The following OLFM3 variants were observed in gnomAD, a reference collection of about 807,000 sequenced individuals.
The protein encoded by OLFM3 is noelin-3.
Under a neutral mutation model 48.6 loss-of-function variants are expected in OLFM3, and 20 were observed. That is an observed-to-expected ratio of 0.41 (90% CI 0.29 to 0.60). The LOEUF is 0.60. Ranked by LOEUF, OLFM3 falls within the 20% of genes least tolerant of loss-of-function variation. The probability of loss-of-function intolerance (pLI) is 0.28; values close to 1 mark genes in which losing one functional copy is unlikely to be tolerated. For missense variants in OLFM3, 437 were observed against 544.3 expected (o/e 0.80, Z 1.96); for synonymous variants, 222 against 198.1 (o/e 1.12, Z -1.01).
intron 2 of OLFM3, among the ~76,000 whole-genome samples, chr1:101,833,932 A>T (rs897805995): frequency 3.3e-5 from 5 of 151,986 alleles, no homozygotes; most frequent in African/African-American, 1.2e-4. Flanking sequence ...GTGTCCTATT[A>T]AAAAAAATCA....
chr1:101,847,132 A>C, intron 1 of OLFM3: 2 of 887,944 alleles, frequency 2.3e-6, no homozygotes, highest in Non-Finnish European at 2.7e-6. Context: ...TCCTTCCCCC[A>C]TCCTCGTGGG....
chr1:101,879,146 G>A (rs1410395284), intron 1 of OLFM3, among the ~76,000 whole-genome samples: 1 of 151,742 alleles, frequency 6.6e-6, no homozygotes, highest in African/African-American at 2.4e-5. Context: ...AGTGGATTGT[G>A]GCATCATCCT....
chr1:101,916,557 C>G (rs543951150), intron 1 of OLFM3, among the ~76,000 whole-genome samples: 1 of 152,150 alleles, frequency 6.6e-6, no homozygotes, highest in African/African-American at 2.4e-5. Flanking sequence ...ATTAAATTTC[C>G]TGCCTTACTA....
At chr1:101,827,511 G>A (rs1268956654) in intron 3 of OLFM3, among the ~76,000 whole-genome samples, 5 of 152,058 alleles carry the variant, frequency 3.3e-5, no homozygotes, top group African/African-American at 7.2e-5. Context: ...AGTAGAGACA[G>A]GGTAGGAAGA....
chr1:101,891,060 T>C (rs1657975321), intron 1 of OLFM3, among the ~76,000 whole-genome samples: 1 of 152,004 alleles, frequency 6.6e-6, no homozygotes, highest in Admixed American at 6.6e-5. Flanking sequence ...TTATTAGTAA[T>C]ACATTAGTTT....
chr1:101,885,154 C>T (rs1657696964), intron 1 of OLFM3, among the ~76,000 whole-genome samples: 1 of 151,830 alleles, frequency 6.6e-6, no homozygotes, highest in African/African-American at 2.4e-5. Context: ...GCCAAGAAAA[C>T]TATGAAAGAG....
At chr1:101,986,114 C>T (rs961478538) in intron 1 of OLFM3, among the ~76,000 whole-genome samples, 25 of 151,892 alleles carry the variant, frequency 1.6e-4, no homozygotes, top group Admixed American at 1.2e-3. Flanking sequence ...TACAGGCGCC[C>T]GCCACCACGC....
At chr1:101,882,661 C>A (rs1178447325) in intron 1 of OLFM3, 1 of 151,722 alleles carries the variant, frequency 6.6e-6, no homozygotes, top group Non-Finnish European at 1.5e-5. Flanking sequence ...AGTTTGACAT[C>A]TGCTTCATTT....
chr1:101,956,939 G>A (rs557528180), intron 1 of OLFM3, among the ~76,000 whole-genome samples: 32 of 151,622 alleles, frequency 2.1e-4, no homozygotes, highest in African/African-American at 6.8e-4. Context: ...ATCAGATCAC[G>A]AACTCCTCCA....
At chr1:101,927,015 T>G (rs1363059549) in intron 1 of OLFM3, among the ~76,000 whole-genome samples, 2 of 152,284 alleles carry the variant, frequency 1.3e-5, no homozygotes, top group Admixed American at 1.3e-4. Context: ...GCAGCGCTTC[T>G]AGAACTGAAA....
At chr1:101,901,604 A>G (rs541962749) in intron 1 of OLFM3, among the ~76,000 whole-genome samples, 23 of 152,196 alleles carry the variant, frequency 1.5e-4, no homozygotes, top group African/African-American at 5.5e-4. Flanking sequence ...CTAGGAGGCT[A>G]TCGAAAAAGT....
At chr1:101,840,514 A>G (rs1557697767) in intron 1 of OLFM3, among the ~76,000 whole-genome samples, 2 of 149,634 alleles carry the variant, frequency 1.3e-5, no homozygotes. Context: ...TCTGTTGTCC[A>G]AGCTGAAGTG....
chr1:101,889,516 G>C (rs914887886), intron 1 of OLFM3, among the ~76,000 whole-genome samples: 2 of 152,060 alleles, frequency 1.3e-5, no homozygotes, highest in East Asian at 3.9e-4. Flanking sequence ...GTGGGTCAAG[G>C]GGGGAGGGAT....
chr1:101,835,065 A>G (rs1448978006), intron 2 of OLFM3, among the ~76,000 whole-genome samples: 1 of 152,226 alleles, frequency 6.6e-6, no homozygotes, highest in African/African-American at 2.4e-5. Flanking sequence ...GTACTGAAAA[A>G]TAGCAACACA....
intron 1 of OLFM3, among the ~76,000 whole-genome samples, chr1:101,919,196 T>A (rs1659017827): frequency 6.6e-6 from 1 of 152,136 alleles, no homozygotes; most frequent in Non-Finnish European, 1.5e-5. Flanking sequence ...AAAAAAATAA[T>A]TATTAAATTA....
chr1:101,882,581 T>C (rs1657577906), intron 1 of OLFM3: 1 of 151,778 alleles, frequency 6.6e-6, no homozygotes, highest in African/African-American at 2.4e-5. Flanking sequence ...AGAACTGCTT[T>C]TTCTACCGGG....
chr1:101,902,280 T>G (rs1658412764), intron 1 of OLFM3, among the ~76,000 whole-genome samples: 1 of 152,046 alleles, frequency 6.6e-6, no homozygotes, highest in Admixed American at 6.6e-5. Flanking sequence ...ATAGAATAAG[T>G]CCACACTGAA....
intron 1 of OLFM3, among the ~76,000 whole-genome samples, chr1:101,984,487 C>T (rs763304121): frequency 1.1e-4 from 17 of 152,128 alleles, no homozygotes; most frequent in Non-Finnish European, 2.1e-4. Flanking sequence ...ACCTCCGCAT[C>T]CCAGGGTTCT....
intron 1 of OLFM3, among the ~76,000 whole-genome samples, chr1:101,896,488 C>CTTTTTTTTT (rs35260761): frequency 3.9e-5 from 3 of 76,688 alleles, no homozygotes; most frequent in Non-Finnish European, 7.0e-5. Flanking sequence ...TGCTTACACA[C>CTTTTTTTTT]TTTTTTTTTT....
Sources: gnomAD v4.1 joint callset for allele counts (sites outside exome capture counted in the v4.1 genomes callset) on GRCh38, gnomAD v4.1.1 for gene constraint, MANE v1.5 for transcripts, NCBI Gene and HGNC (gene_info 2026-07-23, HGNC 2026-07-21) for gene names.